FBXO16: variants seen among roughly 807,000 people sequenced by gnomAD.
FBXO16 encodes F-box only protein 16.
FBXO16 carries 31 observed loss-of-function variants against 41.0 expected under a neutral mutation model. The observed-to-expected ratio is 0.76, with a 90% CI of 0.57 to 1.02. The LOEUF (loss-of-function observed/expected upper bound fraction) is 1.02, where lower values mean the gene tolerates loss of function less well. Ranked by LOEUF, FBXO16 falls within the 50% of genes least tolerant of loss-of-function variation. FBXO16 has a pLI of 0.00. For missense variants in FBXO16, 361 were observed against 346.2 expected, an observed-to-expected ratio of 1.04 and a Z score of -0.34; for synonymous variants, 133 against 117.8, an observed-to-expected ratio of 1.13 and a Z score of -0.84.
chr8:28,448,723 C>T (rs1802905181), intron 6 of FBXO16, among the ~76,000 whole-genome samples: 1 of 152,162 alleles, frequency 6.6e-6, no homozygotes, highest in Non-Finnish European at 1.5e-5. Context: ...CATTTCTTTT[C>T]TAAAACTCCT....
chr8:28,483,057 G>T (rs900168470), intron 2 of FBXO16, among the ~76,000 whole-genome samples: 3 of 152,140 alleles, frequency 2.0e-5, no homozygotes, highest in Non-Finnish European at 4.4e-5. Flanking sequence ...TGGTTCCAGG[G>T]GAGAACAAGT....
intron 7 of FBXO16, among the ~76,000 whole-genome samples, chr8:28,443,574 T>G (rs183387456): frequency 4.4e-3 from 673 of 152,198 alleles, no homozygotes; most frequent in African/African-American, 9.1e-3. Context: ...CCTGTCCAAA[T>G]GATGGGGGAA....
chr8:28,461,083 C>CA (rs1186943906), intron 4 of FBXO16, among the ~76,000 whole-genome samples: 1 of 136,462 alleles, frequency 7.3e-6, no homozygotes, highest in Non-Finnish European at 1.6e-5. Context: ...TATACCTCTG[C>CA]TTTTTTTTTT....
At chr8:28,472,739 C>T (rs1160449841) in intron 3 of FBXO16, among the ~76,000 whole-genome samples, 1 of 152,054 alleles carries the variant, frequency 6.6e-6, no homozygotes, top group African/African-American at 2.4e-5. Flanking sequence ...GAGCAAAACT[C>T]CGTCTCAAAA....
In FBXO16 at chr8:28,454,831, T is replaced by G. The variant is rs549762809; in HGVS notation, c.507+1935A>C. ...AGTGAAATCTGTGATAACTTATTTGTATTAAGTAAACAAAATTTTTGTTCA... is the reference window on the plus strand; with the variant it reads ...AGTGAAATCTGTGATAACTTATTTGGATTAAGTAAACAAAATTTTTGTTCA... On this transcript the variant is annotated intron_variant, in intron 5 of 8. Coordinates refer to ENST00000380254, the MANE Select transcript of FBXO16 (RefSeq NM_172366.4). 6.6e-5 allele frequency among the ~76,000 whole-genome samples: 10 copies of G among 151,782 alleles called. No individual in the cohort carries two copies. The South Asian group carries it at 2.1e-3, about 31-fold the overall frequency.
rs565801668 is a variant in FBXO16 at position 28,483,387 on chromosome 8, G to C, written c.60C>G (p.Ser20Arg). 1 of 1,614,116 alleles carries C rather than the reference G, an allele frequency of 6.2e-7. No homozygotes were observed. The highest frequency in any genetic ancestry group is 2.2e-5 in the East Asian group (1 of 44,888). Residue 20 changes from serine (S) to arginine (R), a missense_variant, in exon 2 of 9, where the codon AGC becomes AGG. By Grantham distance (110) the Ser-to-Arg change is moderately radical. Coordinates refer to ENST00000380254, the MANE Select transcript of FBXO16 (RefSeq NM_172366.4). ...GCTGATGGTTTAGGGGTGTCCAGGT[G>C]CTCATCTTTGTCTGCATTTTGGGAC... ...TDGPKMQTKM[S>R]TWTPLNHQLL...
chr8:28,465,942 T>C (rs1266014559), intron 3 of FBXO16, among the ~76,000 whole-genome samples: 1 of 152,144 alleles, frequency 6.6e-6, no homozygotes, highest in Non-Finnish European at 1.5e-5. Flanking sequence ...AGGAGCTCAG[T>C]CCAAAACAAT....
At chr8:28,483,629 G>A in intron 1 of FBXO16, 167 bp from the exon 2 acceptor site, 1 of 539,390 alleles carries the variant, frequency 1.9e-6, no homozygotes, top group Non-Finnish European at 3.3e-6. Flanking sequence ...GACCAGCCTG[G>A]CCAACATGGT....
chr8:28,459,729 T>C (rs1030289016), intron 4 of FBXO16, among the ~76,000 whole-genome samples: 2 of 150,720 alleles, frequency 1.3e-5, no homozygotes, highest in Admixed American at 6.6e-5. Context: ...CTATGTTCTT[T>C]TAAAAAATCA....
chr8:28,467,421 T>G (rs1344419030), intron 3 of FBXO16, among the ~76,000 whole-genome samples: 2 of 152,172 alleles, frequency 1.3e-5, no homozygotes, highest in Admixed American at 1.3e-4. Context: ...CATTTATACA[T>G]TAGAGATAAT....
chr8:28,481,526 T>C (rs1445489950), intron 2 of FBXO16, among the ~76,000 whole-genome samples: 2 of 152,076 alleles, frequency 1.3e-5, no homozygotes, highest in South Asian at 4.2e-4. Flanking sequence ...GGCCTGAGCA[T>C]TCGTGGCGAG....
chr8:28,467,589 A>G (rs548023207), intron 3 of FBXO16, among the ~76,000 whole-genome samples: 11 of 152,352 alleles, frequency 7.2e-5, no homozygotes, highest in Admixed American at 3.3e-4. Flanking sequence ...GTAACTATAA[A>G]AAGATGTGCG....
intron 6 of FBXO16, 80 bp downstream of exon 6, chr8:28,452,164 T>C: frequency 2.2e-6 from 3 of 1,343,242 alleles, no homozygotes; most frequent in Non-Finnish European, 3.1e-6. Context: ...GTAAGTTCTA[T>C]TTCCATCTCT....
chr8:28,460,553 T>C (rs1254942826), intron 4 of FBXO16, among the ~76,000 whole-genome samples: 1 of 146,052 alleles, frequency 6.8e-6, no homozygotes, highest in Admixed American at 7.3e-5. Context: ...CCCCGCCAAA[T>C]AGCTGGGATT....
At chr8:28,430,628 A>G (rs1315225020) in intron 7 of FBXO16, among the ~76,000 whole-genome samples, 1 of 152,212 alleles carries the variant, frequency 6.6e-6, no homozygotes, top group Non-Finnish European at 1.5e-5. Context: ...TAAGAAAATA[A>G]ACAGGAAGCT....
At chr8:28,480,512 T>A (rs1460546251) in intron 2 of FBXO16, among the ~76,000 whole-genome samples, 1 of 151,914 alleles carries the variant, frequency 6.6e-6, no homozygotes, top group Non-Finnish European at 1.5e-5. Flanking sequence ...CTTTTTTTTT[T>A]CTTTTCCTGA....
rs1423516524 is a variant in FBXO16, at chr8:28,447,245, C to CT, written c.768dup (p.Asp257ArgfsTer8). On this transcript the variant is annotated frameshift_variant, in exon 7 of 9. Transcript: ENST00000380254. LOFTEE classifies it high-confidence loss of function. The stretch of plus-strand genomic sequence containing the variant: ...TTATCATGTGACTGTCGGCTGAAGT[C>CT]TGGGGTCATTTGGTTTCTTTTTCTT... The CT allele has an allele frequency of 3.7e-6, 6 of 1,613,428 alleles. No homozygotes were observed. The East Asian group carries it at 1.3e-4, about 36-fold the overall frequency.
intron 3 of FBXO16, among the ~76,000 whole-genome samples, chr8:28,471,795 C>T: frequency 4.9e-5 from 2 of 40,598 alleles, no homozygotes; most frequent in Admixed American, 3.4e-4. Context: ...AGAAAGAAAA[C>T]AGAGAATCTC....
intron 3 of FBXO16, among the ~76,000 whole-genome samples, chr8:28,465,606 C>T (rs1280780547): frequency 1.3e-5 from 2 of 150,968 alleles, no homozygotes; most frequent in Middle Eastern, 3.4e-3. Flanking sequence ...CAGAGAGAGG[C>T]CCTGTCAATA....
Sources: allele counts gnomAD v4.1 joint callset (sites outside exome capture counted in the v4.1 genomes callset), GRCh38; gene constraint gnomAD v4.1.1; transcripts MANE v1.5; gene names NCBI Gene and HGNC (gene_info 2026-07-23, HGNC 2026-07-21).